Variants in PTPN21 observed in about 807,000 individuals in gnomAD.
The protein encoded by PTPN21 is protein tyrosine phosphatase non-receptor type 21.
PTPN21 carries 77 observed loss-of-function variants against 131.8 expected under a neutral mutation model. The observed-to-expected ratio is 0.58, with a 90% CI of 0.49 to 0.71. The LOEUF is 0.71. Among genes scored for constraint, PTPN21 ranks in the 30% least tolerant of loss-of-function variants. PTPN21 has a pLI of 0.00. For missense variants in PTPN21, 1,552 were observed against 1,527.1 expected (o/e 1.02, Z -0.27); for synonymous variants, 715 against 621.3 (o/e 1.15, Z -2.24).
chr14:88,480,012 T>G lies in PTPN21; in HGVS notation c.1419A>C (p.Arg473=). The G allele has an allele frequency of 6.2e-7, 1 of 1,613,356 alleles. No individual in the cohort carries two copies. The highest frequency in any genetic ancestry group is 1.1e-5 in the South Asian group (1 of 91,090). The change falls in exon 13 of 19, where the codon CGA becomes CGC. Residue 473 remains arginine, a synonymous_variant. Coordinates refer to ENST00000556564, the MANE Select transcript of PTPN21 (RefSeq NM_007039.4). ...CGTACGAGCTGCCGATGTTGAGGTTTCGCAGCGAGTGGCTCTGCCGTTCCG... is the reference window on the plus strand; with the variant it reads ...CGTACGAGCTGCCGATGTTGAGGTTGCGCAGCGAGTGGCTCTGCCGTTCCG... ...VHAERQSHSL[R]NLNIGSSYAY...
intron 8 of PTPN21, chr14:88,499,504 G>A (rs978259074): frequency 6.6e-6 from 1 of 152,156 alleles, no homozygotes; most frequent in Non-Finnish European, 1.5e-5. Flanking sequence ...CGCATAAAGT[G>A]GAGGATCCAA....
intron 1 of PTPN21, chr14:88,551,504 C>T (rs951505684): frequency 2.0e-5 from 3 of 152,218 alleles, no homozygotes; most frequent in African/African-American, 7.2e-5. Context: ...TCGGAGGCCC[C>T]GGAACCCTCT....
intron 13 of PTPN21, among the ~76,000 whole-genome samples, chr14:88,475,229 G>C (rs1001834698): frequency 1.3e-5 from 2 of 152,206 alleles, no homozygotes; most frequent in Non-Finnish European, 2.9e-5. Flanking sequence ...CTCTCAGCCT[G>C]TAACAGGCCA....
intron 4 of PTPN21, among the ~76,000 whole-genome samples, chr14:88,506,858 A>G (rs2078098369): frequency 6.6e-6 from 1 of 152,110 alleles, no homozygotes; most frequent in South Asian, 2.1e-4. Flanking sequence ...CCTGGCCAAC[A>G]TGGTGAAACC....
chr14:88,526,214 T>TA (rs1224098116), intron 2 of PTPN21, among the ~76,000 whole-genome samples: 3 of 152,124 alleles, frequency 2.0e-5, no homozygotes, highest in Admixed American at 2.0e-4. Flanking sequence ...AAATAGACAG[T>TA]ATTGTAATCG....
intron 2 of PTPN21, among the ~76,000 whole-genome samples, chr14:88,537,658 A>C (rs1265225309): frequency 6.6e-6 from 1 of 152,232 alleles, no homozygotes; most frequent in East Asian, 1.9e-4. Flanking sequence ...GAATTATAAG[A>C]TTAAGACAAT....
rs185742216 is a variant in PTPN21 at position 88,516,970 on chromosome 14, G to A, written c.350+122C>T. 1.7e-4 allele frequency: 191 copies of A among 1,107,100 alleles called. 1 individual carries two copies. In the African/African-American group the frequency reaches 2.0e-3, roughly 12 times the overall value. The allele number at this position is 1,107,100 out of a possible 1,614,324, so 68.6% of individuals were successfully genotyped here. A position where few individuals can be genotyped will look rare whatever the true frequency, so the allele number is the denominator to read the frequency against. On this transcript the variant is annotated intron_variant, in intron 3 of 18. Transcript: ENST00000556564. Reference sequence around the variant, plus strand: ...CATATGAGAATCTCTTTGTAACACCGTGGCTAAAAATGTGGGGCGAGAGGG... The same window carrying A: ...CATATGAGAATCTCTTTGTAACACCATGGCTAAAAATGTGGGGCGAGAGGG...
At position 88,479,774 on chromosome 14, in the gene PTPN21, G is replaced by A. The variant is rs747685042; in HGVS notation, c.1657C>T (p.Pro553Ser). 7.1e-6 allele frequency: 11 copies of A among 1,546,298 alleles called. No individual in the cohort carries two copies. Among genetic ancestry groups the A allele is most frequent in the East Asian group, 2.2e-5 (1 of 44,492 alleles). The change falls in exon 13 of 19, where the codon CCG (proline) becomes TCG (serine). Residue 553 changes from proline to serine, a missense_variant. Transcript: ENST00000556564. ...TNAQLQAQDY[P>S]SPNIMRTQVY... Reference sequence around the variant, plus strand: ...TGCGTCCGCATGATGTTGGGAGACGGGTAGTCCTGCGCCTGCAGCTGCGCA... The same window carrying A: ...TGCGTCCGCATGATGTTGGGAGACGAGTAGTCCTGCGCCTGCAGCTGCGCA...
chr14:88,498,636 G>A (rs1478188987), intron 8 of PTPN21, among the ~76,000 whole-genome samples: 1 of 152,174 alleles, frequency 6.6e-6, no homozygotes, highest in Non-Finnish European at 1.5e-5. Flanking sequence ...GAACACAGAA[G>A]CAAACAAGAA....
rs191653544 is a variant in PTPN21, at chr14:88,505,486, A to G, written c.449-115T>C. The G allele has an allele frequency of 1.3e-4, 83 of 635,808 alleles. 1 individual carries two copies. In the South Asian group the frequency reaches 2.2e-3, roughly 17 times the overall value. 39.4% of individuals were successfully genotyped at this position (635,808 alleles called of 1,614,324 possible). On this transcript the variant is annotated intron_variant, in intron 4 of 18. Coordinates refer to ENST00000556564, the MANE Select transcript of PTPN21 (RefSeq NM_007039.4). ...TGGTATGCTAATATTTCAGAAGTCA[A>G]ATTTGTTATAGCTATATAAAGTATA... is the stretch of plus-strand genomic sequence containing the variant.
chr14:88,478,430 G>A (rs2077578989), intron 13 of PTPN21, among the ~76,000 whole-genome samples: 1 of 152,126 alleles, frequency 6.6e-6, no homozygotes, highest in Non-Finnish European at 1.5e-5. Context: ...AGATATGTAA[G>A]CTGTATCCAC....
At chr14:88,504,582 G>T in intron 5 of PTPN21, 87 bp from the exon 6 acceptor site, 2 of 1,039,852 alleles carry the variant, frequency 1.9e-6, no homozygotes, top group Non-Finnish European at 1.5e-6. Flanking sequence ...AATGACTCTC[G>T]TCACTATCAG....
At chr14:88,523,493 T>C (rs1476917756) in intron 2 of PTPN21, among the ~76,000 whole-genome samples, 1 of 152,126 alleles carries the variant, frequency 6.6e-6, no homozygotes, top group Non-Finnish European at 1.5e-5. Flanking sequence ...GCTAATATCA[T>C]ACTCCATGGA....
chr14:88,478,109 A>G (rs1032101212), intron 13 of PTPN21, among the ~76,000 whole-genome samples: 1 of 152,232 alleles, frequency 6.6e-6, no homozygotes, highest in African/African-American at 2.4e-5. Context: ...AGGCATAACA[A>G]TAGGCTTACT....
At position 88,545,269 on chromosome 14, in the gene PTPN21, C is replaced by G. The variant is rs1255930638; in HGVS notation, c.180+4969G>C. ...TGGCCTAGGCAGAGGGCACACATAC[C>G]TGGGACCCTTGGCAGTTCCTTACTG... On this transcript the variant is annotated intron_variant, in intron 2 of 18. Coordinates refer to ENST00000556564, the MANE Select transcript of PTPN21 (RefSeq NM_007039.4). Among the ~76,000 whole-genome samples the G allele has an allele frequency of 3.9e-5, 6 of 152,192 alleles. 1 individual carries two copies.
At chr14:88,491,335 G>T (rs930039958) in intron 10 of PTPN21, among the ~76,000 whole-genome samples, 8 of 152,136 alleles carry the variant, frequency 5.3e-5, no homozygotes, top group Non-Finnish European at 1.0e-4. Flanking sequence ...TCAGGACTGG[G>T]GGTAAAGGGG....
chr14:88,521,994 A>C (rs567936732), intron 2 of PTPN21, among the ~76,000 whole-genome samples: 1 of 152,352 alleles, frequency 6.6e-6, no homozygotes, highest in South Asian at 2.1e-4. Context: ...TCTATTACTC[A>C]TGCAACATGA....
intron 3 of PTPN21, among the ~76,000 whole-genome samples, chr14:88,510,173 G>A (rs2078156528): frequency 6.9e-6 from 1 of 145,556 alleles, no homozygotes; most frequent in African/African-American, 2.6e-5. Flanking sequence ...ATTCATTTCT[G>A]GTTCAATGTC....
intron 10 of PTPN21, among the ~76,000 whole-genome samples, chr14:88,489,138 G>A (rs74075951): frequency 0.024 from 3,623 of 152,158 alleles, 169 homozygotes; most frequent in African/African-American, 0.083. Flanking sequence ...TGTAAGCTCC[G>A]TGGAGGCAAG....
Sources: allele counts gnomAD v4.1 joint callset (sites outside exome capture counted in the v4.1 genomes callset), GRCh38; gene constraint gnomAD v4.1.1; transcripts MANE v1.5; gene names NCBI Gene and HGNC (gene_info 2026-07-23, HGNC 2026-07-21).